The following DOCK3 variants were observed in gnomAD, a reference collection of about 807,000 sequenced individuals.
The protein encoded by DOCK3 is dedicator of cytokinesis protein 3.
In DOCK3, 60 loss-of-function variants were observed where a neutral mutation model predicts 265.6. The observed-to-expected ratio is 0.23, with a 90% CI of 0.18 to 0.28. The LOEUF (loss-of-function observed/expected upper bound fraction) is 0.28, where lower values mean the gene tolerates loss of function less well. Ranked by LOEUF, DOCK3 falls within the 10% of genes least tolerant of loss-of-function variation. The pLI is 1.00. For synonymous variants in DOCK3, 881 were observed against 938.0 expected, an observed-to-expected ratio of 0.94 and a Z score of 1.11; for missense variants, 1,981 against 2,594.3, an observed-to-expected ratio of 0.76 and a Z score of 5.14.
At chr3:51,079,677 AACC>A (rs1417710360) in intron 7 of DOCK3, among the ~76,000 whole-genome samples, 1 of 152,034 alleles carries the variant, frequency 6.6e-6, no homozygotes, top group Non-Finnish European at 1.5e-5. Flanking sequence ...TTATGATGAA[AACC>A]AGAGGAAGTC....
intron 13 of DOCK3, 91 bp downstream of exon 13, chr3:51,208,953 GT>G: frequency 9.1e-7 from 1 of 1,103,286 alleles, no homozygotes; most frequent in South Asian, 1.5e-5. Context: ...ATTGGCTGCT[GT>G]ATTCCCTACA....
At position 51,085,803 on chromosome 3, in the gene DOCK3, T is replaced by C. The variant is rs149527703; in HGVS notation, c.550-3440T>C. Among the ~76,000 whole-genome samples the C allele has an allele frequency of 2.0e-5, 3 of 151,044 alleles. No homozygotes were observed. In the East Asian group the frequency reaches 5.9e-4, roughly 29 times the overall value. ...AAACTAAACCTAAAGTTAGTAGAAATAAGTAATAAAGATCAGAGCAGAACT... is the reference window on the plus strand; with the variant it reads ...AAACTAAACCTAAAGTTAGTAGAAACAAGTAATAAAGATCAGAGCAGAACT... On this transcript the variant is annotated intron_variant, in intron 7 of 52. Coordinates refer to ENST00000266037, the MANE Select transcript of DOCK3 (RefSeq NM_004947.5).
At chr3:51,362,046 C>G (rs1189336289) in intron 48 of DOCK3, 49 bp downstream of exon 48, 5 of 1,554,608 alleles carry the variant, frequency 3.2e-6, no homozygotes, top group Non-Finnish European at 4.4e-6. Context: ...GCCTACAGAA[C>G]TCACCTTGCT....
rs144622878 is a variant in DOCK3, at chr3:50,795,280, G to A, written c.121+16522G>A. The stretch of plus-strand genomic sequence containing the variant: ...TCCTGCATTTAAATGTTGGCCTGTC[G>A]AGGTTGGAGGAAGCTCTCATTGTTC... On this transcript the variant is annotated intron_variant, in intron 2 of 52. Transcript: ENST00000266037. 3.7e-3 allele frequency among the ~76,000 whole-genome samples: 570 copies of A among 152,196 alleles called. 6 individuals are homozygous for A. The highest frequency in any genetic ancestry group is 5.8e-3 in the Non-Finnish European group (395 of 68,008).
intron 38 of DOCK3, among the ~76,000 whole-genome samples, chr3:51,346,481 A>G (rs1316314543): frequency 6.6e-6 from 1 of 152,022 alleles, no homozygotes; most frequent in Non-Finnish European, 1.5e-5. Context: ...ATCCTTTTTT[A>G]TGGCAGCATA....
At chr3:51,271,916 G>A (rs1472921747) in intron 24 of DOCK3, among the ~76,000 whole-genome samples, 1 of 149,518 alleles carries the variant, frequency 6.7e-6, no homozygotes, top group Non-Finnish European at 1.5e-5. Context: ...TTGTTTCCTT[G>A]CCATACCATT....
intron 9 of DOCK3, among the ~76,000 whole-genome samples, chr3:51,094,854 T>A (rs2082774802): frequency 6.6e-6 from 1 of 151,908 alleles, no homozygotes; most frequent in African/African-American, 2.4e-5. Context: ...GGTGCTCCTG[T>A]ATTGGGTGCA....
chr3:51,267,815 A>C (rs2080282392), intron 23 of DOCK3, among the ~76,000 whole-genome samples: 1 of 152,258 alleles, frequency 6.6e-6, no homozygotes, highest in African/African-American at 2.4e-5. Flanking sequence ...GCAGCCATAA[A>C]AAAGGATGAG....
At chr3:50,836,300 AGCAGACTTCTGCCTGGAC>A (rs1260281092) in intron 2 of DOCK3, among the ~76,000 whole-genome samples, 4 of 152,188 alleles carry the variant, frequency 2.6e-5, no homozygotes, top group Non-Finnish European at 4.4e-5. Context: ...CTGCCCCTGC[AGCAGACTTCTGCCTGGAC>A]ACCCAGGCAT....
At position 51,340,677 on chromosome 3, in the gene DOCK3, G is replaced by A. The variant is rs369306308; in HGVS notation, c.3767-560G>A. On this transcript the variant is annotated intron_variant, in intron 37 of 52. Coordinates refer to ENST00000266037, the MANE Select transcript of DOCK3 (RefSeq NM_004947.5). ...AATGAGGCCCCTGAGCCGTGGCTGT[G>A]ATTCAGTATGACTCATCCCTTGGAA... Among the ~76,000 whole-genome samples, 66 of 152,338 alleles carry A rather than the reference G, an allele frequency of 4.3e-4. 1 individual carries two copies. The highest frequency in any genetic ancestry group is 1.6e-3 in the African/African-American group (65 of 41,568).
chr3:51,141,560 CTGTT>C (rs1388782062), intron 9 of DOCK3, among the ~76,000 whole-genome samples: 1 of 152,110 alleles, frequency 6.6e-6, no homozygotes, highest in African/African-American at 2.4e-5. Context: ...TGTCCCAACA[CTGTT>C]TGTTGAAATA....
chr3:51,338,997 T>C lies in DOCK3; in HGVS notation c.3735T>C (p.Cys1245=), dbSNP rs759870194. 6 of 1,607,564 alleles carry C rather than the reference T, an allele frequency of 3.7e-6. No homozygotes were observed. The African/African-American group carries it at 6.7e-5, about 18-fold the overall frequency. The change falls in exon 37 of 53, where the codon TGT becomes TGC. Residue 1245 remains cysteine (C), a synonymous_variant. Coordinates refer to ENST00000266037, the MANE Select transcript of DOCK3 (RefSeq NM_004947.5). The part of the protein sequence containing the change: ...EMYIRYIHKL[C]DMHLQAENYT... ...ATATCCGCTACATCCATAAGCTTTG[T>C]GACATGCACTTGCAGGCCGAAAACT...
rs780741182 is a variant in DOCK3, at chr3:51,225,779, G to C, written c.1377+6G>C. 1.2e-6 allele frequency: 2 copies of C among 1,609,152 alleles called. No individual in the cohort carries two copies. Among genetic ancestry groups the C allele is most frequent in the Non-Finnish European group, 1.7e-6 (2 of 1,177,550 alleles). On this transcript the variant is annotated splice_donor_region_variant and intron_variant, in intron 15 of 52. Transcript: ENST00000266037. ...CAGATGGAGAAATCTTGAAGGTAAG[G>C]CTTGCCAGTCAGTCATTTGGGTTGG...
intron 2 of DOCK3, among the ~76,000 whole-genome samples, chr3:50,779,994 G>A (rs2041831602): frequency 6.6e-6 from 1 of 152,158 alleles, no homozygotes; most frequent in East Asian, 1.9e-4. Flanking sequence ...TGGGAGTGGA[G>A]CTCTAATCTA....
chr3:51,041,008 T>A (rs2109023207), intron 5 of DOCK3, among the ~76,000 whole-genome samples: 1 of 151,596 alleles, frequency 6.6e-6, no homozygotes, highest in South Asian at 2.1e-4. Context: ...ACATCTAAAT[T>A]TCTGTTACTG....
intron 18 of DOCK3, among the ~76,000 whole-genome samples, 184 bp downstream of exon 18, chr3:51,229,016 G>T (rs1360852805): frequency 2.0e-5 from 3 of 152,198 alleles, no homozygotes; most frequent in Non-Finnish European, 4.4e-5. Context: ...CATGGTTTTA[G>T]TAGCTCCACA....
At chr3:50,886,756 G>A (rs1439374134) in intron 3 of DOCK3, among the ~76,000 whole-genome samples, 1 of 151,318 alleles carries the variant, frequency 6.6e-6, no homozygotes, top group Non-Finnish European at 1.5e-5. Context: ...CATTTTTTAT[G>A]ATGACTACTG....
At chr3:51,101,158 G>A (rs2083073244) in intron 9 of DOCK3, among the ~76,000 whole-genome samples, 1 of 134,008 alleles carries the variant, frequency 7.5e-6, no homozygotes. Context: ...CTGTCGCCCA[G>A]GCCGGACTGC....
chr3:50,778,481 A>G (rs1435751430), intron 1 of DOCK3, among the ~76,000 whole-genome samples, 194 bp from the exon 2 acceptor site: 3 of 152,288 alleles, frequency 2.0e-5, no homozygotes, highest in Admixed American at 1.3e-4. Context: ...CCCACAATGT[A>G]TTTTATTGTC....
Sources: allele counts gnomAD v4.1 joint callset (sites outside exome capture counted in the v4.1 genomes callset), GRCh38; gene constraint gnomAD v4.1.1; transcripts MANE v1.5; gene names NCBI Gene and HGNC (gene_info 2026-07-23, HGNC 2026-07-21).